CDKN2B-AS1: variants seen among roughly 807,000 people sequenced by gnomAD.
CDKN2B-AS1 encodes the protein CDKN2B and CDKN2A antisense cis and trans regulatory RNA 1.
At chr9:22,098,533 T>C (rs1422903377) in intron 4 of CDKN2B-AS1, among the ~76,000 whole-genome samples, 1 of 152,070 alleles carries the variant, frequency 6.6e-6, no homozygotes, top group African/African-American at 2.4e-5. Context: ...CACATGTCAG[T>C]AGCATGTTTG....
chr9:22,090,167 T>G (rs1169059817), intron 4 of CDKN2B-AS1, among the ~76,000 whole-genome samples: 1 of 152,172 alleles, frequency 6.6e-6, no homozygotes, highest in Non-Finnish European at 1.5e-5. Flanking sequence ...TCATCCTTTT[T>G]TATGGCTGCA....
intron 4 of CDKN2B-AS1, chr9:22,119,138 G>A (rs1024163829): frequency 1.3e-5 from 2 of 151,802 alleles, no homozygotes; most frequent in African/African-American, 4.8e-5. Flanking sequence ...TGTAATAACT[G>A]TGCCTGTCTT....
intron 4 of CDKN2B-AS1, among the ~76,000 whole-genome samples, chr9:22,110,864 A>C (rs1825789034): frequency 6.6e-6 from 1 of 152,138 alleles, no homozygotes; most frequent in Non-Finnish European, 1.5e-5. Flanking sequence ...CCATCTATGT[A>C]TGTATCCCTA....
chr9:22,030,390 G>C (rs753101311), intron 1 of CDKN2B-AS1: 2 of 152,140 alleles, frequency 1.3e-5, no homozygotes, highest in Non-Finnish European at 2.9e-5. Flanking sequence ...GCTAGGAAGA[G>C]ATTGCTTCTT....
chr9:22,028,692 G>A (rs1369489559), intron 1 of CDKN2B-AS1, among the ~76,000 whole-genome samples: 1 of 152,098 alleles, frequency 6.6e-6, no homozygotes, highest in Admixed American at 6.5e-5. Flanking sequence ...TTTCAAAATA[G>A]TACCTGAAAC....
intron 1 of CDKN2B-AS1, among the ~76,000 whole-genome samples, chr9:22,020,674 T>C (rs1821978937): frequency 6.6e-6 from 1 of 152,216 alleles, no homozygotes; most frequent in Non-Finnish European, 1.5e-5. Context: ...CACATGTATG[T>C]CTTCTTTTGA....
rs190709420 is a variant in CDKN2B-AS1 at position 22,090,172 on chromosome 9, G to A, written n.438+33785G>A. 3.9e-5 allele frequency among the ~76,000 whole-genome samples: 6 copies of A among 152,006 alleles called. No homozygotes were observed. In the East Asian group the frequency reaches 1.2e-3, roughly 29 times the overall value. On this transcript the variant is annotated intron_variant and non_coding_transcript_variant, in intron 4 of 4. Transcript: ENST00000650946. The stretch of plus-strand genomic sequence containing the variant: ...GGACATGAACTCATCCTTTTTTATG[G>A]CTGCATAGTATTCCATGGTGTATAT...
At chr9:22,004,512 A>G (rs1821073324) in intron 1 of CDKN2B-AS1, 1 of 232,562 alleles carries the variant, frequency 4.3e-6, no homozygotes, top group Admixed American at 5.6e-5. Flanking sequence ...CTCAGGAGTT[A>G]GTGGTAAACC....
intron 4 of CDKN2B-AS1, among the ~76,000 whole-genome samples, chr9:22,116,057 T>A (rs1639064282): frequency 6.6e-6 from 1 of 152,194 alleles, no homozygotes; most frequent in African/African-American, 2.4e-5. Flanking sequence ...ATGCTCAACA[T>A]TCTCTTAGCT....
chr9:22,101,135 G>A (rs1047040357), intron 4 of CDKN2B-AS1, among the ~76,000 whole-genome samples: 2 of 152,088 alleles, frequency 1.3e-5, no homozygotes, highest in African/African-American at 2.4e-5. Flanking sequence ...ACCTTTCAGA[G>A]ACACCCTTCA....
chr9:22,011,215 TAGAA>T (rs1327706009), intron 1 of CDKN2B-AS1, among the ~76,000 whole-genome samples: 3 of 152,210 alleles, frequency 2.0e-5, no homozygotes, highest in Admixed American at 2.0e-4. Context: ...TCCCGTCAAA[TAGAA>T]AGGACATTAT....
intron 3 of CDKN2B-AS1, among the ~76,000 whole-genome samples, chr9:22,050,313 G>A (rs1488804857): frequency 6.6e-6 from 1 of 152,214 alleles, no homozygotes; most frequent in Admixed American, 6.5e-5. Context: ...TTGGCCAGAG[G>A]CCTTGCAATT....
chr9:22,042,065 G>A (rs143066992), intron 1 of CDKN2B-AS1, among the ~76,000 whole-genome samples: 2 of 152,148 alleles, frequency 1.3e-5, no homozygotes, highest in African/African-American at 4.8e-5. Flanking sequence ...ACTTGCTGAA[G>A]GACTAGCCCA....
At chr9:22,038,237 G>T (rs1822766863) in intron 1 of CDKN2B-AS1, among the ~76,000 whole-genome samples, 2 of 151,724 alleles carry the variant, frequency 1.3e-5, no homozygotes, top group Admixed American at 6.6e-5. Flanking sequence ...AGTTCTAGGA[G>T]ACAGGAAATG....
chr9:22,110,440 G>A (rs563576838), intron 4 of CDKN2B-AS1, among the ~76,000 whole-genome samples: 83 of 152,174 alleles, frequency 5.5e-4, no homozygotes, highest in Non-Finnish European at 9.6e-4. Context: ...ATACAACAGT[G>A]TACACAGATG....
At chr9:22,125,242 G>C (rs1034130919) in intron 4 of CDKN2B-AS1, among the ~76,000 whole-genome samples, 1 of 152,160 alleles carries the variant, frequency 6.6e-6, no homozygotes, top group African/African-American at 2.4e-5. Flanking sequence ...AAAAAGAATG[G>C]GCTGCTGACT....
At chr9:22,024,924 G>T (rs905001822) in intron 1 of CDKN2B-AS1, among the ~76,000 whole-genome samples, 1 of 152,212 alleles carries the variant, frequency 6.6e-6, no homozygotes, top group African/African-American at 2.4e-5. Context: ...GAAGAGGCCA[G>T]CAGACCAAGG....
chr9:22,057,737 G>A (rs1380710588), intron 4 of CDKN2B-AS1, among the ~76,000 whole-genome samples: 3 of 151,670 alleles, frequency 2.0e-5, no homozygotes, highest in South Asian at 4.2e-4. Context: ...AGCCTGCGAG[G>A]TGGAGGTTGC....
At chr9:22,109,507 A>G (rs998152818) in intron 4 of CDKN2B-AS1, among the ~76,000 whole-genome samples, 3 of 152,192 alleles carry the variant, frequency 2.0e-5, no homozygotes, top group African/African-American at 7.2e-5. Flanking sequence ...TTATTGAAGG[A>G]ATAATGACAA....
Sources: allele counts gnomAD v4.1 joint callset (sites outside exome capture counted in the v4.1 genomes callset), GRCh38; gene constraint gnomAD v4.1.1; transcripts MANE v1.5; gene names NCBI Gene and HGNC (gene_info 2026-07-23, HGNC 2026-07-21).